The following COL17A1 variants were observed in gnomAD, a reference collection of about 807,000 sequenced individuals.
COL17A1 encodes the protein collagen alpha-1(XVII) chain.
A neutral mutation model predicts 218.4 loss-of-function variants in COL17A1; 181 were observed. The ratio of observed to expected loss-of-function variants is 0.83; its 90% CI spans 0.73 to 0.94. The LOEUF (loss-of-function observed/expected upper bound fraction) is 0.94. Ranked by LOEUF, COL17A1 falls within the 40% of genes least tolerant of loss-of-function variation. The probability of loss-of-function intolerance (pLI) is 0.00; values close to 1 mark genes in which losing one functional copy is unlikely to be tolerated. For missense variants in COL17A1, 1,924 were observed against 1,945.9 expected, an observed-to-expected ratio of 0.99 and a Z score of 0.21; for synonymous variants, 721 against 731.0, an observed-to-expected ratio of 0.99 and a Z score of 0.22.
In COL17A1 at chr10:104,037,765, T is replaced by C. The variant is rs2086315282; in HGVS notation, c.3079A>G (p.Ile1027Val). ...TGAACTCCGGATAGGTAAGATCTAA[T>C]ACTGTCACCTGCCGACCAAGGAACA... is the stretch of plus-strand genomic sequence containing the variant. ...YISEYMQSDS[I>V]RSYLSGVQGP... is the part of the protein sequence containing the mutation. The change falls in exon 46 of 56, where the codon ATT becomes GTT. Residue 1027 changes from isoleucine to valine, a missense_variant. Physicochemically the swap from Ile to Val is conservative, Grantham distance 29. Coordinates refer to ENST00000648076, the MANE Select transcript of COL17A1 (RefSeq NM_000494.4). 2 of 1,613,944 alleles carry C rather than the reference T, an allele frequency of 1.2e-6. No individual in the cohort carries two copies. Among genetic ancestry groups the C allele is most frequent in the Middle Eastern group, 1.6e-4 (1 of 6,062 alleles).
chr10:104,042,448 G>C lies in COL17A1; in HGVS notation c.2523C>G (p.Ala841=). 1.9e-6 allele frequency: 3 copies of C among 1,614,170 alleles called. No individual in the cohort carries two copies. The highest frequency in any genetic ancestry group is 2.5e-6 in the Non-Finnish European group (3 of 1,180,028). Residue 841 remains alanine (A), a synonymous_variant, in exon 36 of 56, where the codon GCC becomes GCG. Coordinates refer to ENST00000648076, the MANE Select transcript of COL17A1 (RefSeq NM_000494.4). ...PPGPPGAPGP[A]GPAGLPGHQE... ...GATGTCCTGGGAGACCAGCTGGGCCGGCAGGGCCTGGAAACGGGGTTGAGG... is the reference window on the plus strand; with the variant it reads ...GATGTCCTGGGAGACCAGCTGGGCCCGCAGGGCCTGGAAACGGGGTTGAGG...
chr10:104,078,498 A>G, intron 3 of COL17A1, 44 bp downstream of exon 3: 2 of 1,613,952 alleles, frequency 1.2e-6, no homozygotes, highest in Non-Finnish European at 1.7e-6. Flanking sequence ...GGGGCCCTTC[A>G]AATGTGACCT....
intron 4 of COL17A1, among the ~76,000 whole-genome samples, chr10:104,076,733 G>A (rs554386863): frequency 4.5e-4 from 69 of 152,306 alleles, no homozygotes; most frequent in African/African-American, 1.6e-3. Flanking sequence ...TGCCTCAACA[G>A]GTAAGGGCAG....
Position 104,037,101 on chromosome 10 carries a change from C to T in COL17A1, c.3221G>A (p.Gly1074Asp), listed in dbSNP as rs1452810851. ...VVSYLRTSGY[G>D]VSLFSSSISS... is the part of the protein sequence containing the mutation. ...GATGGAGGACGAGAACAAGCTGACA[C>T]CGTACCCCGAAGCTGTCGGGAAGAA... is the stretch of plus-strand genomic sequence containing the variant. Residue 1074 changes from glycine (G) to aspartate (D), a missense_variant, in exon 47 of 56, where the codon GGT (glycine) becomes GAT (aspartate). Transcript: ENST00000648076. 6.2e-7 allele frequency: 1 copy of T among 1,606,070 alleles called. No individual in the cohort carries two copies. The highest frequency in any genetic ancestry group is 1.1e-5 in the South Asian group (1 of 89,066).
At chr10:104,039,205 C>T in intron 43 of COL17A1, 84 bp from the exon 44 acceptor site, 1 of 1,378,156 alleles carries the variant, frequency 7.3e-7, no homozygotes, top group Non-Finnish European at 1.0e-6. Context: ...TAGTGTGTGT[C>T]TCAACAATCG....
At chr10:104,061,720 A>C (rs1352063003) in intron 12 of COL17A1, among the ~76,000 whole-genome samples, 1 of 152,136 alleles carries the variant, frequency 6.6e-6, no homozygotes, top group African/African-American at 2.4e-5. Context: ...TTCTCTCCTG[A>C]ACTCCTACAG....
intron 18 of COL17A1, 62 bp from the exon 19 acceptor site, chr10:104,055,463 C>T (rs2086513049): frequency 3.4e-6 from 5 of 1,489,648 alleles, no homozygotes; most frequent in Non-Finnish European, 4.7e-6. Flanking sequence ...CACACACACA[C>T]ACACACACAC....
chr10:104,035,897 AGCGTGTGTATGGGAGTGTGTATGAGT>A (rs1490459061), intron 48 of COL17A1, among the ~76,000 whole-genome samples: 4 of 87,050 alleles, frequency 4.6e-5, no homozygotes, highest in South Asian at 4.1e-4. Context: ...AGTGTATGGG[AGCGTGTGTATGGGAGTGTGTATGAGT>A]GTGTGTGTAT....
rs371557124 is a variant in COL17A1 at position 104,036,663 on chromosome 10, C to T, written c.3278-31G>A. The T allele has an allele frequency of 2.0e-4, 329 of 1,611,784 alleles. 3 individuals carry two copies. Among genetic ancestry groups the T allele is most frequent in the South Asian group, 1.9e-3 (169 of 90,902 alleles). On this transcript the variant is annotated intron_variant, in intron 47 of 55. Coordinates refer to ENST00000648076, the MANE Select transcript of COL17A1 (RefSeq NM_000494.4). ...GAGGAGAGGATGCACTAGCAGGACC[C>T]ACCCAGGCCATGGGGGTCGCAGCCA...
rs1313123945 is a variant in COL17A1, at chr10:104,074,117, A to G, written c.379+67T>C. 18 of 1,612,392 alleles carry G rather than the reference A, an allele frequency of 1.1e-5. No homozygotes were observed. In the South Asian group the frequency reaches 1.3e-4, roughly 12 times the overall value. On this transcript the variant is annotated intron_variant, in intron 6 of 55. Transcript: ENST00000648076. ...TGAGGTCCCCTACTCCCACCACTTCATCTCCCCCAGGGATTTTCCTAGTGC... is the reference window on the plus strand; with the variant it reads ...TGAGGTCCCCTACTCCCACCACTTCGTCTCCCCCAGGGATTTTCCTAGTGC...
At chr10:104,066,862 T>A (rs909894458) in intron 9 of COL17A1, among the ~76,000 whole-genome samples, 3 of 152,176 alleles carry the variant, frequency 2.0e-5, no homozygotes, top group African/African-American at 7.2e-5. Context: ...CTTAGAGAAG[T>A]CCCTATGGGA....
intron 22 of COL17A1, 22 bp from the exon 23 acceptor site, chr10:104,053,157 C>T (rs754469559): frequency 6.2e-7 from 1 of 1,610,426 alleles, no homozygotes; most frequent in Non-Finnish European, 8.5e-7. Context: ...GATGGCCAGC[C>T]TCCAAGTCAG....
intron 32 of COL17A1, 101 bp from the exon 33 acceptor site, chr10:104,045,894 C>T (rs1219182510): frequency 2.1e-6 from 2 of 958,960 alleles, no homozygotes; most frequent in African/African-American, 3.2e-5. Flanking sequence ...AGCCACACTG[C>T]TGACTGAAAC....
intron 5 of COL17A1, 59 bp from the exon 6 acceptor site, chr10:104,074,290 A>T (rs1420707986): frequency 1.9e-6 from 3 of 1,613,118 alleles, no homozygotes; most frequent in Non-Finnish European, 2.5e-6. Context: ...AAGCTTCCAA[A>T]ACGGGAGGTA....
At position 104,073,245 on chromosome 10, in the gene COL17A1, G is replaced by T. The variant is rs369673766; in HGVS notation, c.380C>A (p.Ala127Glu). 102 of 1,613,586 alleles carry T rather than the reference G, an allele frequency of 6.3e-5. No individual in the cohort carries two copies. The highest frequency in any genetic ancestry group is 8.4e-5 in the Non-Finnish European group (99 of 1,179,748). ...SSPEYPRKEF[A>E]SSSTRGRSQT... is the part of the protein sequence containing the mutation. Reference sequence around the variant, plus strand: ...ACTCCGTCCTCTGGTTGAAGAAGATGCTGAGAAACAAAGAAATGCATTTTT... The same window carrying T: ...ACTCCGTCCTCTGGTTGAAGAAGATTCTGAGAAACAAAGAAATGCATTTTT... The change falls in exon 7 of 56, where the codon GCA becomes GAA. Residue 127 changes from alanine (A) to glutamate (E), a missense_variant and splice_region_variant. Coordinates refer to ENST00000648076, the MANE Select transcript of COL17A1 (RefSeq NM_000494.4).
intron 29 of COL17A1, 83 bp from the exon 30 acceptor site, chr10:104,048,187 A>G (rs1271215161): frequency 6.7e-7 from 1 of 1,486,448 alleles, no homozygotes; most frequent in East Asian, 2.3e-5. Flanking sequence ...GTGGCCTTGA[A>G]GCACATTGTG....
rs943775815 is a variant in COL17A1 at position 104,059,485 on chromosome 10, A to G, written c.1222+153T>C. On this transcript the variant is annotated intron_variant, in intron 15 of 55. Transcript: ENST00000648076. ...GCTTCTGACTCAGCAGATCTGAGCT[A>G]GGGCTGGGATCCTGCTTTTATAACA... The G allele has an allele frequency of 2.6e-5, 19 of 723,994 alleles. No homozygotes were observed. In the Admixed American group the frequency reaches 3.8e-4, roughly 15 times the overall value. The allele number at this position is 723,994 out of a possible 1,614,324, so 44.8% of individuals were successfully genotyped here.
At chr10:104,059,544 G>T in intron 15 of COL17A1, 94 bp downstream of exon 15, 1 of 1,157,748 alleles carries the variant, frequency 8.6e-7, no homozygotes, top group Non-Finnish European at 1.3e-6. Flanking sequence ...GCTGGCCCGT[G>T]GACCACACTT....
Position 104,032,679 on chromosome 10 carries a change from T to C in COL17A1, c.4433A>G (p.Asp1478Gly). The change falls in exon 55 of 56, where the codon GAC becomes GGC. Residue 1478 changes from aspartate to glycine, a missense_variant. Physicochemically the swap from Asp to Gly is moderately conservative, Grantham distance 94 (BLOSUM62 -1). Transcript: ENST00000648076. ...GPRGHKGEKG[D>G]KGDQVYAGRR... ...GTGGAGCAGTCAACACTTACCTTTG[T>C]CTCCTTTTTCTCCCTTGTGTCCTCG... The C allele has an allele frequency of 1.9e-6, 3 of 1,614,024 alleles. No homozygotes were observed. The highest frequency in any genetic ancestry group is 1.1e-5 in the South Asian group (1 of 91,070).
Sources: allele counts gnomAD v4.1 joint callset (sites outside exome capture counted in the v4.1 genomes callset), GRCh38; gene constraint gnomAD v4.1.1; transcripts MANE v1.5; gene names NCBI Gene and HGNC (gene_info 2026-07-23, HGNC 2026-07-21).